Variants in ADGRL3 observed in about 807,000 individuals in gnomAD.
ADGRL3 encodes calcium-independent alpha-latrotoxin receptor 3.
Under a neutral mutation model 153.5 loss-of-function variants are expected in ADGRL3, and 62 were observed. The ratio of observed to expected loss-of-function variants is 0.40; its 90% confidence interval spans 0.33 to 0.50. The LOEUF (loss-of-function observed/expected upper bound fraction) is 0.50, where lower values mean the gene tolerates loss of function less well. Among genes scored for constraint, ADGRL3 ranks in the 20% least tolerant of loss-of-function variants. ADGRL3 has a pLI of 0.47. For missense variants in ADGRL3, 1,641 were observed against 1,859.4 expected, an observed-to-expected ratio of 0.88 and a Z score of 2.16; for synonymous variants, 710 against 672.5, an observed-to-expected ratio of 1.06 and a Z score of -0.86.
chr4:61,547,607 T>G (rs562017664), intron 4 of ADGRL3, among the ~76,000 whole-genome samples: 5 of 152,094 alleles, frequency 3.3e-5, no homozygotes, highest in African/African-American at 1.2e-4. Context: ...TTTTTATGGC[T>G]GCATAGTTTT....
chr4:61,837,270 C>T (rs1208443998), intron 9 of ADGRL3, among the ~76,000 whole-genome samples: 1 of 152,094 alleles, frequency 6.6e-6, no homozygotes, highest in Admixed American at 6.6e-5. Flanking sequence ...ACAAAGTAAA[C>T]TGACAAAAGA....
At chr4:61,238,882 T>A (rs1460749050) in intron 1 of ADGRL3, among the ~76,000 whole-genome samples, 1 of 152,122 alleles carries the variant, frequency 6.6e-6, no homozygotes, top group Admixed American at 6.6e-5. Flanking sequence ...AAAACTTATT[T>A]TAGCTGATTT....
intron 8 of ADGRL3, among the ~76,000 whole-genome samples, chr4:61,756,422 T>C (rs1049192124): frequency 6.6e-6 from 1 of 152,170 alleles, no homozygotes; most frequent in African/African-American, 2.4e-5. Flanking sequence ...TCTCTGTTTG[T>C]CTGTTATTGG....
chr4:61,465,219 C>T (rs552781866), intron 2 of ADGRL3, among the ~76,000 whole-genome samples: 23 of 152,058 alleles, frequency 1.5e-4, no homozygotes, highest in East Asian at 3.9e-4. Context: ...TAAGCATAGA[C>T]GTAAGAAAGT....
rs145312266 is a variant in ADGRL3 at position 61,978,056 on chromosome 4, C to T, written c.2806-1507C>T. ...GTGAGAACATGCAGTATTTGGAAAA[C>T]GTGAATATTTATATAGGTTAAAATT... On this transcript the variant is annotated intron_variant, in intron 17 of 26. Coordinates refer to ENST00000683033, the MANE Select transcript of ADGRL3 (RefSeq NM_001387552.1). 3.0e-3 allele frequency among the ~76,000 whole-genome samples: 464 copies of T among 152,178 alleles called. 5 individuals are homozygous for T. Among genetic ancestry groups the T allele is most frequent in the African/African-American group, 0.011 (436 of 41,516 alleles).
chr4:61,773,967 T>G, intron 8 of ADGRL3, among the ~76,000 whole-genome samples: 1 of 152,196 alleles, frequency 6.6e-6, no homozygotes, highest in Non-Finnish European at 1.5e-5. Context: ...GCTACAGTAG[T>G]TCCCCCTTAT....
intron 9 of ADGRL3, among the ~76,000 whole-genome samples, chr4:61,832,884 C>T (rs1422815109): frequency 6.6e-6 from 1 of 150,830 alleles, no homozygotes; most frequent in Admixed American, 6.6e-5. Context: ...CCCTTGAACT[C>T]CTGGGCTCAA....
At chr4:61,787,350 T>C (rs913760792) in intron 8 of ADGRL3, among the ~76,000 whole-genome samples, 10 of 152,066 alleles carry the variant, frequency 6.6e-5, no homozygotes, top group African/African-American at 2.4e-4. Context: ...ATTAAAAGTA[T>C]AGTCATACTT....
intron 8 of ADGRL3, among the ~76,000 whole-genome samples, chr4:61,770,112 T>TAAAACGTA (rs1436098386): frequency 3.3e-5 from 5 of 152,324 alleles, no homozygotes; most frequent in African/African-American, 1.2e-4. Context: ...CATGATTCAG[T>TAAAACGTA]AAAACGTATT....
At chr4:61,959,153 C>T (rs2098978654) in intron 17 of ADGRL3, among the ~76,000 whole-genome samples, 1 of 152,118 alleles carries the variant, frequency 6.6e-6, no homozygotes. Flanking sequence ...GTCTGTTCAT[C>T]TCTTAGTACT....
chr4:61,252,508 G>T (rs1316506159), intron 1 of ADGRL3, among the ~76,000 whole-genome samples: 1 of 152,066 alleles, frequency 6.6e-6, no homozygotes, highest in African/African-American at 2.4e-5. Context: ...TTAAAACTTT[G>T]TTCTAGGGGC....
At chr4:61,713,240 T>C (rs965612980) in intron 6 of ADGRL3, among the ~76,000 whole-genome samples, 2 of 151,180 alleles carry the variant, frequency 1.3e-5, no homozygotes, top group Non-Finnish European at 3.0e-5. Context: ...AAGAAGACAT[T>C]TTGGAGCCGG....
At chr4:61,910,397 G>A (rs2098716801) in intron 12 of ADGRL3, among the ~76,000 whole-genome samples, 1 of 151,072 alleles carries the variant, frequency 6.6e-6, no homozygotes, top group Admixed American at 6.6e-5. Context: ...TTTAACTTCA[G>A]GGAAAATACA....
At chr4:61,372,660 C>T (rs2096549907) in intron 1 of ADGRL3, among the ~76,000 whole-genome samples, 1 of 152,196 alleles carries the variant, frequency 6.6e-6, no homozygotes, top group African/African-American at 2.4e-5. Flanking sequence ...TTTAAGTCTG[C>T]AGAGGTTACT....
At chr4:61,499,987 GAC>G (rs34740052) in intron 3 of ADGRL3, among the ~76,000 whole-genome samples, 106,855 of 138,814 alleles carry the variant, frequency 0.77, 42,041 homozygotes, top group East Asian at 0.92. Flanking sequence ...CACACACACA[GAC>G]ACACACACAC....
intron 1 of ADGRL3, among the ~76,000 whole-genome samples, chr4:61,220,112 CAA>C (rs71211371): frequency 0.54 from 73,665 of 135,402 alleles, 19,623 homozygotes; most frequent in East Asian, 0.8. Flanking sequence ...AAATCTGTCT[CAA>C]AAAAAAAAAA....
At chr4:61,544,897 C>T (rs1389329222) in intron 4 of ADGRL3, among the ~76,000 whole-genome samples, 1 of 152,098 alleles carries the variant, frequency 6.6e-6, no homozygotes, top group African/African-American at 2.4e-5. Flanking sequence ...TGGCTTAATA[C>T]TTTCATTAAC....
At chr4:61,990,533 C>T (rs1036350752) in intron 19 of ADGRL3, among the ~76,000 whole-genome samples, 1 of 151,816 alleles carries the variant, frequency 6.6e-6, no homozygotes, top group Non-Finnish European at 1.5e-5. Context: ...TGGAGTTATA[C>T]TCTGTTAAAT....
intron 1 of ADGRL3, among the ~76,000 whole-genome samples, chr4:61,252,357 A>G (rs1181526239): frequency 6.6e-6 from 1 of 152,230 alleles, no homozygotes; most frequent in Non-Finnish European, 1.5e-5. Flanking sequence ...GTTATTTACT[A>G]ATATTGTATC....
Sources: allele counts gnomAD v4.1 joint callset (sites outside exome capture counted in the v4.1 genomes callset), GRCh38; gene constraint gnomAD v4.1.1; transcripts MANE v1.5; gene names NCBI Gene and HGNC (gene_info 2026-07-23, HGNC 2026-07-21).